Variants in CHST11 observed in about 807,000 individuals in gnomAD.
CHST11 encodes the protein C4S-1.
In CHST11, 9 loss-of-function variants were observed where a neutral mutation model predicts 30.4. That is an observed-to-expected ratio of 0.30 (90% CI 0.18 to 0.52). CHST11 has a LOEUF of 0.52. Among genes scored for constraint, CHST11 ranks in the 20% least tolerant of loss-of-function variants. The pLI is 0.97. For synonymous variants in CHST11, 152 were observed against 187.8 expected, an observed-to-expected ratio of 0.81 and a Z score of 1.56; for missense variants, 348 against 460.6, an observed-to-expected ratio of 0.76 and a Z score of 2.24.
At chr12:104,579,895 C>T (rs1202292969) in intron 1 of CHST11, among the ~76,000 whole-genome samples, 2 of 152,194 alleles carry the variant, frequency 1.3e-5, no homozygotes, top group African/African-American at 4.8e-5. Flanking sequence ...TGCATTGGAT[C>T]CTCTGCTGCT....
chr12:104,569,929 TG>T (rs2038607447), intron 1 of CHST11, among the ~76,000 whole-genome samples: 1 of 152,196 alleles, frequency 6.6e-6, no homozygotes, highest in South Asian at 2.1e-4. Context: ...TTCCTTTGCA[TG>T]CGGTCAGAGT....
chr12:104,587,950 A>T (rs1162217590), intron 1 of CHST11, among the ~76,000 whole-genome samples: 1 of 151,906 alleles, frequency 6.6e-6, no homozygotes, highest in East Asian at 1.9e-4. Context: ...TCAGCTTAAA[A>T]TTTCAAATCA....
At chr12:104,627,057 T>C (rs10861258) in intron 2 of CHST11, among the ~76,000 whole-genome samples, 53,305 of 151,982 alleles carry the variant, frequency 0.35, 9,647 homozygotes, top group East Asian at 0.42. Context: ...CTCCATAGTT[T>C]TGTCTTTTCC....
At chr12:104,735,276 C>G (rs1291240359) in intron 2 of CHST11, among the ~76,000 whole-genome samples, 1 of 152,186 alleles carries the variant, frequency 6.6e-6, no homozygotes, top group Non-Finnish European at 1.5e-5. Context: ...TAATACGTCT[C>G]TACCTTGTAG....
intron 2 of CHST11, among the ~76,000 whole-genome samples, chr12:104,624,873 T>C (rs1288978741): frequency 6.6e-6 from 1 of 152,196 alleles, no homozygotes; most frequent in Non-Finnish European, 1.5e-5. Flanking sequence ...GACGGCCACC[T>C]TTTTGGCTGT....
chr12:104,578,189 G>A lies in CHST11; in HGVS notation c.119-23717G>A, dbSNP rs138216194. Among the ~76,000 whole-genome samples, 1,292 of 152,240 alleles carry A rather than the reference G, an allele frequency of 8.5e-3. 24 individuals are homozygous for A. The highest frequency in any genetic ancestry group is 0.03 in the African/African-American group (1,228 of 41,534). ...AGACCCAGCAACAGGGGGTGGTTCT[G>A]ACCTGAGGTCACATCGCTGGTTAGG... On this transcript the variant is annotated intron_variant, in intron 1 of 2. Transcript: ENST00000303694.
intron 1 of CHST11, among the ~76,000 whole-genome samples, chr12:104,488,755 G>A (rs1297283427): frequency 1.3e-5 from 2 of 151,796 alleles, no homozygotes; most frequent in South Asian, 2.1e-4. Context: ...GTGTGTGTGT[G>A]TGTGTGTGTG....
chr12:104,530,640 G>A (rs1254644329), intron 1 of CHST11, among the ~76,000 whole-genome samples: 9 of 152,216 alleles, frequency 5.9e-5, no homozygotes, highest in Non-Finnish European at 8.8e-5. Context: ...TGTAGGTTAA[G>A]CACTTGCTTC....
At chr12:104,728,281 G>C (rs2040231326) in intron 2 of CHST11, among the ~76,000 whole-genome samples, 1 of 152,132 alleles carries the variant, frequency 6.6e-6, no homozygotes, top group African/African-American at 2.4e-5. Context: ...CCCCATAGCT[G>C]TGACTAATGT....
Position 104,729,698 on chromosome 12 carries a change from G to A in CHST11, c.205-27251G>A, listed in dbSNP as rs998240956. On this transcript the variant is annotated intron_variant, in intron 2 of 2. Transcript: ENST00000303694. The surrounding 1 kb of genome is among the most constrained non-coding windows in gnomAD (Gnocchi z 4.0). ...AAGTGAGAAGTGGGTGTGCAGAATC[G>A]TACGGTGTGCAGACGGTGGCCTGGT... 2.2e-4 allele frequency among the ~76,000 whole-genome samples: 33 copies of A among 152,270 alleles called. No homozygotes were observed. Among genetic ancestry groups the A allele is most frequent in the Non-Finnish European group, 4.0e-4 (27 of 68,004 alleles).
chr12:104,616,516 A>G (rs867483876), intron 2 of CHST11, among the ~76,000 whole-genome samples: 6 of 149,428 alleles, frequency 4.0e-5, no homozygotes, highest in Non-Finnish European at 8.9e-5. Flanking sequence ...CCTAGTCTGG[A>G]GTGCAGTGGC....
chr12:104,666,635 G>C (rs2039645292), intron 2 of CHST11, among the ~76,000 whole-genome samples: 1 of 152,164 alleles, frequency 6.6e-6, no homozygotes, highest in African/African-American at 2.4e-5. Flanking sequence ...AGTATCCAAG[G>C]CTCCACATGC....
chr12:104,652,613 G>T (rs946915427), intron 2 of CHST11, among the ~76,000 whole-genome samples: 2 of 152,240 alleles, frequency 1.3e-5, no homozygotes, highest in Non-Finnish European at 2.9e-5. Flanking sequence ...CCCAGCCATG[G>T]TGAGGAAAGT....
rs1001224328 is a variant in CHST11 at position 104,676,817 on chromosome 12, G to T, written c.204+74826G>T. Among the ~76,000 whole-genome samples, 8 of 152,188 alleles carry T rather than the reference G, an allele frequency of 5.3e-5. No homozygotes were observed. Among genetic ancestry groups the T allele is most frequent in the Non-Finnish European group, 1.0e-4 (7 of 68,036 alleles). On this transcript the variant is annotated intron_variant, in intron 2 of 2. Coordinates refer to ENST00000303694, the MANE Select transcript of CHST11 (RefSeq NM_018413.6). This position sits in a 1 kb window ranked among gnomAD's most constrained non-coding sequence, Gnocchi z 4.4. ...GCAAATTCTCCTTTTGCCATGGAAGGTCACATTCACAGGTTCCAGGGATTA... is the reference window on the plus strand; with the variant it reads ...GCAAATTCTCCTTTTGCCATGGAAGTTCACATTCACAGGTTCCAGGGATTA...
intron 1 of CHST11, among the ~76,000 whole-genome samples, chr12:104,596,723 G>A (rs1209836921): frequency 2.0e-5 from 3 of 152,146 alleles, no homozygotes; most frequent in Non-Finnish European, 4.4e-5. Context: ...GAAACAATGT[G>A]AGAAAAAGGC....
rs183712289 is a variant in CHST11 at position 104,657,046 on chromosome 12, T to C, written c.204+55055T>C. Among the ~76,000 whole-genome samples, 205 of 152,190 alleles carry C rather than the reference T, an allele frequency of 1.3e-3. 4 individuals carry two copies. Among genetic ancestry groups the C allele is most frequent in the African/African-American group, 4.0e-3 (167 of 41,510 alleles). On this transcript the variant is annotated intron_variant, in intron 2 of 2. Transcript: ENST00000303694. ...TAAATTGATGAAGAAAGCGTGGCAT[T>C]GGGAAATTGAGTTGCTTAAGGCCAG...
Position 104,668,948 on chromosome 12 carries a change from G to A in CHST11, c.204+66957G>A, listed in dbSNP as rs542373074. On this transcript the variant is annotated intron_variant, in intron 2 of 2. Coordinates refer to ENST00000303694, the MANE Select transcript of CHST11 (RefSeq NM_018413.6). ...CTTTCTCCCCATTTCTGTGGGCAAG[G>A]AACACGGCCCCCAGGCAACTCTGGG... 3.2e-4 allele frequency among the ~76,000 whole-genome samples: 48 copies of A among 151,322 alleles called. 1 individual carries two copies. The South Asian group carries it at 9.6e-3, about 30-fold the overall frequency.
rs748006329 is a variant in CHST11 at position 104,487,839 on chromosome 12, A to G, written c.118+30310A>G. 3.6e-4 allele frequency among the ~76,000 whole-genome samples: 53 copies of G among 149,040 alleles called. 1 individual carries two copies. The highest frequency in any genetic ancestry group is 1.3e-4 in the Admixed American group (2 of 14,978). On this transcript the variant is annotated intron_variant, in intron 1 of 2. Coordinates refer to ENST00000303694, the MANE Select transcript of CHST11 (RefSeq NM_018413.6). ...CCTTGCGTGGTTAAAATACTGGTACATTTTTCTTTTTTTTTCTCTATTTTT... is the reference window on the plus strand; with the variant it reads ...CCTTGCGTGGTTAAAATACTGGTACGTTTTTCTTTTTTTTTCTCTATTTTT...
chr12:104,507,571 C>T (rs1208117982), intron 1 of CHST11, among the ~76,000 whole-genome samples: 1 of 152,200 alleles, frequency 6.6e-6, no homozygotes, highest in Admixed American at 6.5e-5. Flanking sequence ...CAATGCTGCC[C>T]AGCAAACTAC....
Sources: gnomAD v4.1 joint callset for allele counts (sites outside exome capture counted in the v4.1 genomes callset) on GRCh38, gnomAD v4.1.1 for gene constraint, Gnocchi (gnomAD v3.1) non-coding constraint, MANE v1.5 for transcripts, NCBI Gene and HGNC (gene_info 2026-07-23, HGNC 2026-07-21) for gene names.